CPLANE1: variants seen among roughly 807,000 people sequenced by gnomAD.
The protein encoded by CPLANE1 is ciliogenesis and planar polarity effector 1.
CPLANE1 carries 263 observed loss-of-function variants against 362.5 expected under a neutral mutation model. That is an observed-to-expected ratio of 0.73 (90% confidence interval 0.66 to 0.80). The LOEUF (loss-of-function observed/expected upper bound fraction) is 0.80. Ranked by LOEUF, CPLANE1 falls within the 30% of genes least tolerant of loss-of-function variation. The pLI is 0.00. For missense variants in CPLANE1, 3,461 were observed against 3,793.4 expected (o/e 0.91, Z 2.30); for synonymous variants, 1,212 against 1,302.6 (o/e 0.93, Z 1.50).
At position 37,239,701 on chromosome 5, in the gene CPLANE1, A is replaced by C; in HGVS notation, c.834+12T>G. On this transcript the variant is annotated intron_variant, in intron 7 of 52. Coordinates refer to ENST00000651892, the MANE Select transcript of CPLANE1 (RefSeq NM_001384732.1). Reference sequence around the variant, plus strand: ...TTTTATAGATTACTTTCTAAGACAGATATTTACTGACCTTGGGGTCTTTCT... The same window carrying C: ...TTTTATAGATTACTTTCTAAGACAGCTATTTACTGACCTTGGGGTCTTTCT... 1 of 1,452,344 alleles carries C rather than the reference A, an allele frequency of 6.9e-7. No homozygotes were observed. Among genetic ancestry groups the C allele is most frequent in the Non-Finnish European group, 9.1e-7 (1 of 1,093,882 alleles). 90.0% of individuals were successfully genotyped at this position (1,452,344 alleles called of 1,614,324 possible). A position where few individuals can be genotyped will look rare whatever the true frequency, so the allele number is the denominator to read the frequency against.
Position 37,169,366 on chromosome 5 carries a change from T to TA in CPLANE1, c.6657dup (p.Ser2220Ter). The stretch of plus-strand genomic sequence containing the variant: ...AGCAAAGGAAAGCCATCACCAGGAC[T>TA]AAATGTTTTTGCATGTGGGATAAGT... On this transcript the variant is annotated frameshift_variant, in exon 34 of 53. Coordinates refer to ENST00000651892, the MANE Select transcript of CPLANE1 (RefSeq NM_001384732.1). LOFTEE classifies it high-confidence loss of function. 6.2e-7 allele frequency: 1 copy of TA among 1,614,228 alleles called. No homozygotes were observed. The highest frequency in any genetic ancestry group is 1.7e-5 in the Admixed American group (1 of 60,034).
intron 15 of CPLANE1, among the ~76,000 whole-genome samples, chr5:37,214,621 T>G (rs1208517706): frequency 1.3e-5 from 2 of 152,248 alleles, no homozygotes; most frequent in Non-Finnish European, 2.9e-5. Context: ...TACTACTGTA[T>G]TAATTTTGCA....
At chr5:37,095,049 T>C in the CPLANE1 span, among the ~76,000 whole-genome samples, 5 of 152,256 alleles carry the variant, frequency 3.3e-5, no homozygotes, top group South Asian at 4.1e-4. Context: ...TTCCACAAGA[T>C]AGACAAAGAA....
chr5:37,236,756 A>G (rs546722253), intron 8 of CPLANE1, among the ~76,000 whole-genome samples: 1 of 152,048 alleles, frequency 6.6e-6, no homozygotes, highest in African/African-American at 2.4e-5. Context: ...AAAACTGGGC[A>G]AAGGACATGA....
chr5:37,162,383 A>C, intron 38 of CPLANE1, 82 bp downstream of exon 38: 1 of 839,980 alleles, frequency 1.2e-6, no homozygotes, highest in Non-Finnish European at 1.9e-6. Flanking sequence ...TTCCCTTTAA[A>C]TCACTGTCTT....
intron 51 of CPLANE1, among the ~76,000 whole-genome samples, chr5:37,112,691 C>A (rs982124370): frequency 6.6e-6 from 1 of 152,172 alleles, no homozygotes; most frequent in South Asian, 2.1e-4. Context: ...AACCTATTAC[C>A]TCCATCATTC....
chr5:37,092,330 A>G, the CPLANE1 span, among the ~76,000 whole-genome samples: 1 of 152,238 alleles, frequency 6.6e-6, no homozygotes, highest in African/African-American at 2.4e-5. Flanking sequence ...GTATCTGCCC[A>G]AACACAATTA....
chr5:37,083,937 G>A, the CPLANE1 span, among the ~76,000 whole-genome samples: 1 of 152,174 alleles, frequency 6.6e-6, no homozygotes, highest in Non-Finnish European at 1.5e-5. Context: ...GAACACCTGG[G>A]AAATTCATCG....
At chr5:37,099,895 T>C in the CPLANE1 span, among the ~76,000 whole-genome samples, 4 of 152,240 alleles carry the variant, frequency 2.6e-5, no homozygotes, top group Non-Finnish European at 5.9e-5. Context: ...ACATGTTTGC[T>C]TGGCTGCATG....
intron 38 of CPLANE1, 109 bp from the exon 39 acceptor site, chr5:37,158,454 T>G: frequency 9.2e-7 from 1 of 1,085,950 alleles, no homozygotes; most frequent in Non-Finnish European, 1.3e-6. Flanking sequence ...TAAATTGTAC[T>G]TCTTGAAATC....
At chr5:37,232,728 T>G (rs968240789) in intron 8 of CPLANE1, among the ~76,000 whole-genome samples, 1 of 148,880 alleles carries the variant, frequency 6.7e-6, no homozygotes, top group Non-Finnish European at 1.5e-5. Context: ...CCCAGCTACT[T>G]GGGAAGTTGA....
At chr5:37,215,739 C>CTTTTTTTTTT (rs567527656) in intron 15 of CPLANE1, among the ~76,000 whole-genome samples, 40 of 95,184 alleles carry the variant, frequency 4.2e-4, no homozygotes, top group Non-Finnish European at 6.0e-4. Context: ...CTTCTCTTTC[C>CTTTTTTTTTT]TTTTTTTTTT....
intron 32 of CPLANE1, among the ~76,000 whole-genome samples, chr5:37,171,014 T>TG (rs1420762666): frequency 6.6e-6 from 1 of 152,106 alleles, no homozygotes; most frequent in Admixed American, 6.5e-5. Context: ...AGTACACAGG[T>TG]GAAGAGCAAG....
At chr5:37,176,886 G>A (rs1238734113) in intron 30 of CPLANE1, among the ~76,000 whole-genome samples, 20 of 151,708 alleles carry the variant, frequency 1.3e-4, no homozygotes, top group Admixed American at 1.3e-3. Flanking sequence ...AGCCTCCCGA[G>A]TAGCTGTAAC....
intron 15 of CPLANE1, among the ~76,000 whole-genome samples, chr5:37,220,003 AAC>A (rs1253809272): frequency 6.6e-6 from 1 of 152,208 alleles, no homozygotes; most frequent in African/African-American, 2.4e-5. Flanking sequence ...CTATAATCCC[AAC>A]ACTTTGGGAG....
In CPLANE1 at chr5:37,211,200, A is replaced by G. The variant is rs1792497442; in HGVS notation, c.2920+2359T>C. On this transcript the variant is annotated intron_variant, in intron 16 of 52. Coordinates refer to ENST00000651892, the MANE Select transcript of CPLANE1 (RefSeq NM_001384732.1). ...TGCATCAAGGATCACAAATTATCCA[A>G]ATGCAGGGATGGAGGGTAGTTCCCC... is the stretch of plus-strand genomic sequence containing the variant. 5.6e-6 allele frequency: 8 copies of G among 1,421,010 alleles called. No homozygotes were observed. In the South Asian group the frequency reaches 9.2e-5, roughly 16 times the overall value. The allele number at this position is 1,421,010 out of a possible 1,614,324, so 88.0% of individuals were successfully genotyped here. A position where few individuals can be genotyped will look rare whatever the true frequency, so the allele number is the denominator to read the frequency against.
intron 37 of CPLANE1, among the ~76,000 whole-genome samples, chr5:37,163,321 G>A (rs900941390): frequency 6.6e-6 from 1 of 152,196 alleles, no homozygotes; most frequent in Non-Finnish European, 1.5e-5. Context: ...TCAGAATCAT[G>A]TGTTTCTGGC....
At position 37,187,341 on chromosome 5, in the gene CPLANE1, A is replaced by T. The variant is rs942054579; in HGVS notation, c.4080+73T>A. 5 of 1,227,830 alleles carry T rather than the reference A, an allele frequency of 4.1e-6. No homozygotes were observed. The African/African-American group carries it at 7.7e-5, about 19-fold the overall frequency. 76.1% of individuals were successfully genotyped at this position (1,227,830 alleles called of 1,614,324 possible). ...TCCAAAGAAAGGCAACATCATCCTT[A>T]ATTAAAATTAAATAAAAATCTTTTA... On this transcript the variant is annotated intron_variant, in intron 23 of 52. Transcript: ENST00000651892.
At chr5:37,172,366 G>A (rs1780040373) in intron 32 of CPLANE1, among the ~76,000 whole-genome samples, 1 of 152,072 alleles carries the variant, frequency 6.6e-6, no homozygotes, top group African/African-American at 2.4e-5. Flanking sequence ...AATTCAAGAG[G>A]GCATAGTAAA....
Sources: allele counts gnomAD v4.1 joint callset (sites outside exome capture counted in the v4.1 genomes callset), GRCh38; gene constraint gnomAD v4.1.1; transcripts MANE v1.5; gene names NCBI Gene and HGNC (gene_info 2026-07-23, HGNC 2026-07-21).